The following APOB variants were observed in gnomAD, a reference collection of about 807,000 sequenced individuals.
APOB encodes apolipoprotein B-100.
In APOB, 153 loss-of-function variants were observed where a neutral mutation model predicts 314.1. The ratio of observed to expected loss-of-function variants is 0.49; its 90% CI spans 0.43 to 0.56. APOB has a LOEUF of 0.56. Among genes scored for constraint, APOB ranks in the 20% least tolerant of loss-of-function variants. The pLI is 0.00. For missense variants in APOB, 5,430 were observed against 5,350.7 expected (o/e 1.01, Z -0.46); for synonymous variants, 2,087 against 2,036.4 (o/e 1.02, Z -0.67).
rs759153449 is a variant in APOB, at chr2:21,016,426, C to T, written c.3332+13G>A. ...CCTGCAGTGCAGGTCAGATGACCCT[C>T]GGCCTTCTTTACCTTAGGTGGCCCA... is the stretch of plus-strand genomic sequence containing the variant. On this transcript the variant is annotated intron_variant, in intron 21 of 28. Transcript: ENST00000233242. The T allele has an allele frequency of 1.5e-5, 22 of 1,471,240 alleles. No individual in the cohort carries two copies. Among genetic ancestry groups the T allele is most frequent in the African/African-American group, 5.5e-5 (4 of 72,234 alleles). 91.1% of individuals were successfully genotyped at this position (1,471,240 alleles called of 1,614,324 possible).
At chr2:21,028,718 AG>A (rs1663804868) in intron 12 of APOB, among the ~76,000 whole-genome samples, 180 bp from the exon 13 acceptor site, 4 of 152,236 alleles carry the variant, frequency 2.6e-5, no homozygotes, top group African/African-American at 9.6e-5. Flanking sequence ...CTATCAAGTA[AG>A]GGTTCCCAGA....
chr2:21,015,220 A>G lies in APOB; in HGVS notation c.3549T>C (p.Asn1183=), dbSNP rs1663436967. ...KIEFEWNTGT[N]VDTKKMTSNF... is the part of the protein sequence containing the mutation. ...TGGAAGTCATTTTTTTGGTATCTAC[A>G]TTGGTGCCTGTGTTCCATTCAAATT... is the stretch of plus-strand genomic sequence containing the variant. The change falls in exon 23 of 29, where the codon AAT becomes AAC. Residue 1183 remains asparagine, a synonymous_variant. Coordinates refer to ENST00000233242, the MANE Select transcript of APOB (RefSeq NM_000384.3). The G allele has an allele frequency of 1.2e-6, 2 of 1,614,220 alleles. No homozygotes were observed. Among genetic ancestry groups the G allele is most frequent in the Non-Finnish European group, 1.7e-6 (2 of 1,180,024 alleles).
At chr2:21,024,619 T>C (rs1265909293) in intron 16 of APOB, 7 of 516,250 alleles carry the variant, frequency 1.4e-5, no homozygotes, top group Admixed American at 3.7e-5. Context: ...CTCAAAAAAT[T>C]AAAAAAATAA....
chr2:21,016,398 A>T, intron 21 of APOB, 41 bp downstream of exon 21: 1 of 1,045,244 alleles, frequency 9.6e-7, no homozygotes, highest in Non-Finnish European at 1.5e-6. Flanking sequence ...AGAACCACCC[A>T]GGCCTGCAGT....
Position 21,012,038 on chromosome 2 carries a change from C to T in APOB, c.4830G>A (p.Arg1610=). Residue 1610 remains arginine, a synonymous_variant, in exon 26 of 29, where the codon AGG becomes AGA. Transcript: ENST00000233242. ...SEYQADYESL[R]FFSLLSGSLN... ...GTGATCCAGAAAGCAGGCTGAAGAA[C>T]CTCAATGACTCGTAATCAGCCTGAT... 6.2e-7 allele frequency: 1 copy of T among 1,614,198 alleles called. No homozygotes were observed. Among genetic ancestry groups the T allele is most frequent in the Non-Finnish European group, 8.5e-7 (1 of 1,180,042 alleles).
At chr2:21,037,612 A>T (rs1664039566) in intron 5 of APOB, among the ~76,000 whole-genome samples, 1 of 151,188 alleles carries the variant, frequency 6.6e-6, no homozygotes. Context: ...CCAGCAACAG[A>T]TCCCATTATT....
At chr2:21,024,898 G>A in intron 16 of APOB, 35 bp downstream of exon 16, 1 of 1,612,006 alleles carries the variant, frequency 6.2e-7, no homozygotes, top group Non-Finnish European at 8.5e-7. Flanking sequence ...CCAACGTCTG[G>A]TCTCATGGGC....
chr2:21,002,298 T>C lies in APOB; in HGVS notation c.13124A>G (p.Gln4375Arg). The change falls in exon 29 of 29, where the codon CAG becomes CGG. Residue 4375 changes from glutamine to arginine, a missense_variant. Gln to Arg is a conservative substitution (Grantham distance 43, BLOSUM62 1). Coordinates refer to ENST00000233242, the MANE Select transcript of APOB (RefSeq NM_000384.3). ...NELQEASQEL[Q>R]QIHQYIMALR... ...GGCCATAATGTATTGATGGATCTGCTGTAACTCTTGAGAAGCTTCCTGAAG... is the reference window on the plus strand; with the variant it reads ...GGCCATAATGTATTGATGGATCTGCCGTAACTCTTGAGAAGCTTCCTGAAG... The C allele has an allele frequency of 6.2e-7, 1 of 1,613,854 alleles. No homozygotes were observed. Among genetic ancestry groups the C allele is most frequent in the Non-Finnish European group, 8.5e-7 (1 of 1,179,916 alleles).
At chr2:21,026,206 C>T (rs1663728372) in intron 15 of APOB, among the ~76,000 whole-genome samples, 1 of 151,788 alleles carries the variant, frequency 6.6e-6, no homozygotes, top group South Asian at 2.1e-4. Flanking sequence ...GTGCGCACAG[C>T]TTCAAGACAG....
rs1435270860 is a variant in APOB, at chr2:21,005,887, T to C, written c.10981A>G (p.Ile3661Val). ...AGGTGTCCTTCTAAGGATCCTGCAA[T>C]GTCAAGGTGTGCCTTTTCTTGGTCA... ...SNDQEKAHLD[I>V]AGSLEGHLRF... The change falls in exon 26 of 29, where the codon ATT becomes GTT. Residue 3661 changes from isoleucine (I) to valine (V), a missense_variant. Physicochemically the swap from Ile to Val is conservative, Grantham distance 29. This residue lies in a region of APOB where 3,281 missense variants were observed against 3,171.0 expected (regional missense o/e 1.03). Transcript: ENST00000233242. 15 of 1,613,882 alleles carry C rather than the reference T, an allele frequency of 9.3e-6. No homozygotes were observed. The highest frequency in any genetic ancestry group is 1.0e-5 in the Non-Finnish European group (12 of 1,179,956).
rs747979961 is a variant in APOB at position 21,010,631 on chromosome 2, T to G, written c.6237A>C (p.Glu2079Asp). The G allele has an allele frequency of 9.9e-6, 16 of 1,614,146 alleles. No homozygotes were observed. In the East Asian group the frequency reaches 3.6e-4, roughly 36 times the overall value. ...INLPFFETLQ[E>D]YFERNRQTII... ...TGGTTTGTCGATTCCTCTCAAAATA[T>G]TCTTGCAAGGTCTCAAAAAATGGGA... Residue 2079 changes from glutamate to aspartate, a missense_variant, in exon 26 of 29, where the codon GAA becomes GAC. Glu to Asp is a conservative substitution (Grantham distance 45). Transcript: ENST00000233242.
At chr2:21,032,951 ATAT>A (rs2103380019) in intron 9 of APOB, among the ~76,000 whole-genome samples, 1 of 152,188 alleles carries the variant, frequency 6.6e-6, no homozygotes, top group East Asian at 1.9e-4. Flanking sequence ...TAGAGAAATC[ATAT>A]TATATTTTTC....
chr2:21,005,966 T>A lies in APOB; in HGVS notation c.10902A>T (p.Lys3634Asn). 6.2e-7 allele frequency: 1 copy of A among 1,613,922 alleles called. No homozygotes were observed. The change falls in exon 26 of 29, where the codon AAA becomes AAT. Residue 3634 changes from lysine to asparagine, a missense_variant. Coordinates refer to ENST00000233242, the MANE Select transcript of APOB (RefSeq NM_000384.3). ...ANTKNQKIRW[K>N]NEVRIHSGSF... is the part of the protein sequence containing the mutation. ...ACCCAGAATGAATCCGGACTTCATT[T>A]TTCCATCTGATCTTCTGGTTCTTAG...
chr2:21,007,137 C>T lies in APOB; in HGVS notation c.9731G>A (p.Arg3244Lys), dbSNP rs1324986283. 5 of 1,613,988 alleles carry T rather than the reference C, an allele frequency of 3.1e-6. No individual in the cohort carries two copies. Among genetic ancestry groups the T allele is most frequent in the Non-Finnish European group, 4.2e-6 (5 of 1,179,946 alleles). ...KAEKSHDELP[R>K]TFQIPGYTVP... ...AGTGTATCCAGGAATTTGAAAGGTCCTGGGGAGCTCGTCGTGAGATTTTTC... is the reference window on the plus strand; with the variant it reads ...AGTGTATCCAGGAATTTGAAAGGTCTTGGGGAGCTCGTCGTGAGATTTTTC... The change falls in exon 26 of 29, where the codon AGG (arginine) becomes AAG (lysine). Residue 3244 changes from arginine (R) to lysine (K), a missense_variant. Arg to Lys is a conservative substitution (Grantham distance 26). Around this residue, in one of 3 missense-constraint regions of APOB, gnomAD observed 3,281 missense variants for 3,171.0 expected, o/e 1.03. Transcript: ENST00000233242.
Position 21,036,401 on chromosome 2 carries a change from A to G in APOB, c.694-693T>C, listed in dbSNP as rs553274931. On this transcript the variant is annotated intron_variant, in intron 6 of 28. Coordinates refer to ENST00000233242, the MANE Select transcript of APOB (RefSeq NM_000384.3). The stretch of plus-strand genomic sequence containing the variant: ...ACTCCCTGTTTTCAACCCTAAGGAC[A>G]ATGACCAGGAACAGCGCCCAGCATG... Among the ~76,000 whole-genome samples the G allele has an allele frequency of 1.3e-5, 2 of 152,282 alleles. 1 individual carries two copies. Among genetic ancestry groups the G allele is most frequent in the South Asian group, 4.2e-4 (2 of 4,812 alleles).
chr2:21,007,787 T>G lies in APOB; in HGVS notation c.9081A>C (p.Gly3027=), dbSNP rs1423919086. 3 of 1,614,066 alleles carry G rather than the reference T, an allele frequency of 1.9e-6. No individual in the cohort carries two copies. The highest frequency in any genetic ancestry group is 2.5e-6 in the Non-Finnish European group (3 of 1,179,946). The change falls in exon 26 of 29, where the codon GGA becomes GGC. Residue 3027 remains glycine, a synonymous_variant. Coordinates refer to ENST00000233242, the MANE Select transcript of APOB (RefSeq NM_000384.3). ...AATTTTTCAAAGTTCCAATAACCTT[T>G]CCATTTAAATGAGCATCATGCCTCC... The part of the protein sequence containing the change: ...FTGRHDAHLN[G]KVIGTLKNSL...
At chr2:21,031,781 T>C (rs1379293413) in intron 10 of APOB, among the ~76,000 whole-genome samples, 2 of 151,946 alleles carry the variant, frequency 1.3e-5, no homozygotes, top group African/African-American at 4.8e-5. Flanking sequence ...GCCCAGGAAT[T>C]TGAGGCTTCA....
In APOB at chr2:21,007,084, G is replaced by C; in HGVS notation, c.9784C>G (p.Pro3262Ala). The C allele has an allele frequency of 6.2e-7, 1 of 1,613,982 alleles. No individual in the cohort carries two copies. The highest frequency in any genetic ancestry group is 8.5e-7 in the Non-Finnish European group (1 of 1,179,950). Residue 3262 changes from proline (P) to alanine (A), a missense_variant, in exon 26 of 29, where the codon CCA (proline) becomes GCA (alanine). Around this residue, in one of 3 missense-constraint regions of APOB, gnomAD observed 3,281 missense variants for 3,171.0 expected, o/e 1.03. Transcript: ENST00000233242. Reference sequence around the variant, plus strand: ...AATGCCGACATCTCTATGGTGAATGGAGACACTTCAACATTGACAACTGGA... The same window carrying C: ...AATGCCGACATCTCTATGGTGAATGCAGACACTTCAACATTGACAACTGGA... Reference protein sequence around the residue: ...TVPVVNVEVSPFTIEMSAFGY... With the variant: ...TVPVVNVEVSAFTIEMSAFGY...
rs970063693 is a variant in APOB, at chr2:21,040,999, C to T, written c.322G>A (p.Glu108Lys). Reference protein sequence around the residue: ...TLKEVYGFNPEGKALLKKTKN... With the variant: ...TLKEVYGFNPKGKALLKKTKN... ...GTTTTCTTCAGCAAGGCTTTGCCCT[C>T]AGGGTTGAAGCCATACACCTCTTTC... is the stretch of plus-strand genomic sequence containing the variant. Residue 108 changes from glutamate to lysine, a missense_variant, in exon 4 of 29, where the codon GAG (glutamate) becomes AAG (lysine). Around this residue, in one of 3 missense-constraint regions of APOB, gnomAD observed 2,085 missense variants for 2,079.7 expected, o/e 1.00. Transcript: ENST00000233242. 3.7e-6 allele frequency: 6 copies of T among 1,613,932 alleles called. No individual in the cohort carries two copies. Among genetic ancestry groups the T allele is most frequent in the South Asian group, 1.1e-5 (1 of 91,012 alleles).
Sources: allele counts gnomAD v4.1 joint callset (sites outside exome capture counted in the v4.1 genomes callset), GRCh38; gene constraint gnomAD v4.1.1; regional missense constraint gnomAD v4.1.1; transcripts MANE v1.5; gene names NCBI Gene and HGNC (gene_info 2026-07-23, HGNC 2026-07-21).